TENM3: variants seen among roughly 807,000 people sequenced by gnomAD.
TENM3 encodes teneurin-3.
A neutral mutation model predicts 255.1 loss-of-function variants in TENM3; 63 were observed. That is an observed-to-expected ratio of 0.25 (90% confidence interval 0.20 to 0.30). The LOEUF (loss-of-function observed/expected upper bound fraction) is 0.30, where lower values mean the gene tolerates loss of function less well. TENM3 is among the 10% of genes least tolerant of loss of function. The pLI, the probability that TENM3 is intolerant of heterozygous loss-of-function variation, is 1.00. For synonymous variants in TENM3, 1,306 were observed against 1,322.3 expected (o/e 0.99, Z 0.27); for missense variants, 2,929 against 3,461.1 (o/e 0.85, Z 3.86).
At chr4:181,870,821 C>G in the TENM3 span, among the ~76,000 whole-genome samples, 1 of 151,768 alleles carries the variant, frequency 6.6e-6, no homozygotes, top group Middle Eastern at 3.2e-3. Context: ...TGACATTGAT[C>G]AATATTTTCT....
intron 3 of TENM3, among the ~76,000 whole-genome samples, chr4:182,568,542 C>G (rs1036609755): frequency 3.3e-5 from 5 of 152,172 alleles, no homozygotes; most frequent in Admixed American, 3.3e-4. Flanking sequence ...TTGGAGCTTT[C>G]ATACTTTGCT....
chr4:182,630,851 C>G (rs1426507289), intron 5 of TENM3, among the ~76,000 whole-genome samples: 1 of 151,968 alleles, frequency 6.6e-6, no homozygotes, highest in African/African-American at 2.4e-5. Context: ...ACTGGTCAGG[C>G]ATCCTTTCTG....
the TENM3 span, among the ~76,000 whole-genome samples, chr4:181,509,394 C>CG: frequency 6.8e-6 from 1 of 146,036 alleles, no homozygotes; most frequent in Non-Finnish European, 1.5e-5. Context: ...GGCTAAGGTG[C>CG]AATTTTTTTT....
chr4:181,844,539 G>A, the TENM3 span, among the ~76,000 whole-genome samples: 4 of 151,824 alleles, frequency 2.6e-5, no homozygotes, highest in African/African-American at 9.7e-5. Context: ...GTGGTGGCGG[G>A]CGCCTGTAGT....
At chr4:181,676,639 A>G in the TENM3 span, among the ~76,000 whole-genome samples, 1 of 152,142 alleles carries the variant, frequency 6.6e-6, no homozygotes, top group Non-Finnish European at 1.5e-5. Flanking sequence ...AATGTAAGGA[A>G]TCCCTTTCTA....
chr4:181,476,252 A>G, the TENM3 span, among the ~76,000 whole-genome samples: 1 of 148,772 alleles, frequency 6.7e-6, no homozygotes, highest in Non-Finnish European at 1.5e-5. Flanking sequence ...CAACCCTAGC[A>G]CCAGGAATAT....
the TENM3 span, among the ~76,000 whole-genome samples, chr4:181,559,556 C>T: frequency 2.0e-5 from 3 of 152,176 alleles, no homozygotes; most frequent in East Asian, 5.8e-4. Flanking sequence ...TGCATAATAA[C>T]TTTTCTTCAT....
At chr4:182,055,012 A>G in the TENM3 span, among the ~76,000 whole-genome samples, 4 of 152,050 alleles carry the variant, frequency 2.6e-5, no homozygotes, top group Non-Finnish European at 5.9e-5. Flanking sequence ...ACCTACCCAC[A>G]CTGGCTCCCA....
At chr4:182,348,547 C>T (rs9992121) in intron 3 of TENM3, among the ~76,000 whole-genome samples, 149,168 of 152,244 alleles carry the variant, frequency 0.98, 73,158 homozygotes, top group Middle Eastern at 1. Flanking sequence ...CAGGATAATG[C>T]GATCAGTTCT....
intron 3 of TENM3, among the ~76,000 whole-genome samples, chr4:182,442,328 G>A (rs764072410): frequency 3.9e-5 from 6 of 152,078 alleles, no homozygotes; most frequent in Non-Finnish European, 5.9e-5. Context: ...AGTACATATG[G>A]ATTCTTTTGA....
the TENM3 span, among the ~76,000 whole-genome samples, chr4:181,933,438 C>T: frequency 6.6e-6 from 1 of 152,080 alleles, no homozygotes; most frequent in Non-Finnish European, 1.5e-5. Context: ...TACTCACAAC[C>T]ACGAACTGTT....
At chr4:181,696,368 C>G in the TENM3 span, among the ~76,000 whole-genome samples, 2 of 152,060 alleles carry the variant, frequency 1.3e-5, no homozygotes, top group Non-Finnish European at 2.9e-5. Flanking sequence ...GACATTTATC[C>G]ACCAATGTAT....
the TENM3 span, among the ~76,000 whole-genome samples, chr4:181,678,619 A>G: frequency 6.6e-6 from 1 of 152,140 alleles, no homozygotes; most frequent in African/African-American, 2.4e-5. Flanking sequence ...CTTCATCCTA[A>G]AACTGAATGT....
intron 22 of TENM3, among the ~76,000 whole-genome samples, chr4:182,762,800 T>C (rs200031485): frequency 4.8e-5 from 7 of 145,342 alleles, no homozygotes; most frequent in Non-Finnish European, 1.1e-4. Flanking sequence ...AGGAGATAGA[T>C]AGGATGGTTG....
intron 3 of TENM3, among the ~76,000 whole-genome samples, chr4:182,512,193 AGGTAT>A (rs991335773): frequency 1.4e-4 from 22 of 152,212 alleles, no homozygotes; most frequent in African/African-American, 5.1e-4. Flanking sequence ...CCTTGCACGT[AGGTAT>A]GGACATGTGG....
At chr4:181,937,705 T>C in the TENM3 span, among the ~76,000 whole-genome samples, 17 of 152,312 alleles carry the variant, frequency 1.1e-4, no homozygotes, top group Non-Finnish European at 2.1e-4. Flanking sequence ...AATTCTTTAC[T>C]ATAAATTGAG....
chr4:182,411,001 T>C (rs1769942920), intron 3 of TENM3, among the ~76,000 whole-genome samples: 1 of 152,178 alleles, frequency 6.6e-6, no homozygotes, highest in African/African-American at 2.4e-5. Flanking sequence ...TTTCCTCCCT[T>C]GTCATTGCTT....
At chr4:182,128,553 C>A in the TENM3 span, among the ~76,000 whole-genome samples, 1 of 152,088 alleles carries the variant, frequency 6.6e-6, no homozygotes, top group Non-Finnish European at 1.5e-5. Context: ...TCTATTGTTC[C>A]TTTTTCCCTA....
chr4:182,325,127 T>C (rs7657047), intron 2 of TENM3, among the ~76,000 whole-genome samples: 50,726 of 152,152 alleles, frequency 0.33, 9,640 homozygotes, highest in African/African-American at 0.52. Context: ...CTTAGCATTC[T>C]TTAGCTAATT....
Sources: allele counts gnomAD v4.1 joint callset (sites outside exome capture counted in the v4.1 genomes callset), GRCh38; gene constraint gnomAD v4.1.1; transcripts MANE v1.5; gene names NCBI Gene and HGNC (gene_info 2026-07-23, HGNC 2026-07-21).